The following VTI1A variants were observed in gnomAD, a reference collection of about 807,000 sequenced individuals.
VTI1A encodes the protein vesicle transport through interaction with t-SNAREs homolog 1A.
Under a neutral mutation model 34.9 loss-of-function variants are expected in VTI1A, and 22 were observed. The ratio of observed to expected loss-of-function variants is 0.63; its 90% CI spans 0.45 to 0.90. The LOEUF (loss-of-function observed/expected upper bound fraction) is 0.90. Ranked by LOEUF, VTI1A falls within the 40% of genes least tolerant of loss-of-function variation. The probability of loss-of-function intolerance (pLI) is 0.00; values close to 1 mark genes in which losing one functional copy is unlikely to be tolerated. For missense variants in VTI1A, 268 were observed against 275.6 expected (o/e 0.97, Z 0.20); for synonymous variants, 87 against 97.3 (o/e 0.89, Z 0.62).
the VTI1A span, among the ~76,000 whole-genome samples, chr10:112,840,352 G>A: frequency 2.0e-5 from 3 of 151,854 alleles, no homozygotes; most frequent in Non-Finnish European, 2.9e-5. Flanking sequence ...TCCCACCCAC[G>A]AGTCCCCCAA....
At chr10:112,539,719 C>T (rs774852182) in intron 5 of VTI1A, among the ~76,000 whole-genome samples, 27 of 151,996 alleles carry the variant, frequency 1.8e-4, no homozygotes, top group Non-Finnish European at 2.4e-4. Flanking sequence ...GTTTCTTCTT[C>T]AATAACATGG....
chr10:112,452,144 TC>T (rs1331988400), intron 1 of VTI1A, among the ~76,000 whole-genome samples: 2 of 152,192 alleles, frequency 1.3e-5, no homozygotes, highest in Non-Finnish European at 2.9e-5. Flanking sequence ...AATAGTTTGT[TC>T]CTTGTTAGGA....
intron 7 of VTI1A, among the ~76,000 whole-genome samples, chr10:112,671,274 CTCT>C (rs750537592): frequency 9.2e-5 from 14 of 152,194 alleles, no homozygotes; most frequent in Admixed American, 2.0e-4. Context: ...CATTCTCTTA[CTCT>C]TCTTCTTACC....
chr10:112,527,239 C>A, intron 4 of VTI1A, 75 bp downstream of exon 4: 2 of 1,340,732 alleles, frequency 1.5e-6, no homozygotes, highest in Non-Finnish European at 2.1e-6. Context: ...GGCTCTCAAG[C>A]TGCTCCTTAA....
chr10:112,454,114 G>A (rs1353071497), intron 1 of VTI1A, among the ~76,000 whole-genome samples: 1 of 152,112 alleles, frequency 6.6e-6, no homozygotes, highest in Non-Finnish European at 1.5e-5. Flanking sequence ...AAAATTATCT[G>A]TTCCTCTCTT....
Position 112,634,449 on chromosome 10 carries a change from A to G in VTI1A, c.428-33769A>G, listed in dbSNP as rs535832314. 2.0e-5 allele frequency among the ~76,000 whole-genome samples: 3 copies of G among 151,774 alleles called. No individual in the cohort carries two copies. In the South Asian group the frequency reaches 6.3e-4, roughly 32 times the overall value. On this transcript the variant is annotated intron_variant, in intron 5 of 7. Coordinates refer to ENST00000393077, the MANE Select transcript of VTI1A (RefSeq NM_145206.4). ...CAATACAGAAGGTTTCTTTCTCCAA[A>G]GATTATCAATATCATACCATTGCCT...
At chr10:112,746,846 A>G (rs972694461) in intron 7 of VTI1A, among the ~76,000 whole-genome samples, 1 of 152,198 alleles carries the variant, frequency 6.6e-6, no homozygotes, top group Non-Finnish European at 1.5e-5. Context: ...ACTTTCTAAT[A>G]TGTCCGAACT....
intron 3 of VTI1A, among the ~76,000 whole-genome samples, chr10:112,500,825 T>C (rs1044984774): frequency 2.0e-5 from 3 of 152,224 alleles, no homozygotes; most frequent in Non-Finnish European, 2.9e-5. Flanking sequence ...CCGTTTAGAG[T>C]TGTGCCTCAC....
intron 3 of VTI1A, among the ~76,000 whole-genome samples, chr10:112,488,506 C>A (rs1848719195): frequency 1.3e-5 from 2 of 152,136 alleles, no homozygotes; most frequent in South Asian, 4.1e-4. Flanking sequence ...CAGAACCAGA[C>A]CCAAAGGTAT....
intron 5 of VTI1A, among the ~76,000 whole-genome samples, chr10:112,637,716 TAAA>T (rs1846413352): frequency 6.6e-6 from 1 of 152,070 alleles, no homozygotes; most frequent in Non-Finnish European, 1.5e-5. Flanking sequence ...AACTCTTAAG[TAAA>T]GAAGAAATTA....
chr10:112,697,419 G>A (rs1308134127), intron 7 of VTI1A, among the ~76,000 whole-genome samples: 1 of 98,720 alleles, frequency 1.0e-5, no homozygotes, highest in Non-Finnish European at 2.1e-5. Flanking sequence ...TTTTTTTTGA[G>A]AGAGTGTTTA....
At chr10:112,662,927 A>G (rs1200906366) in intron 5 of VTI1A, among the ~76,000 whole-genome samples, 3 of 78,692 alleles carry the variant, frequency 3.8e-5, no homozygotes, top group African/African-American at 1.7e-4. Flanking sequence ...CTTCTTACAA[A>G]CAAACAAACA....
At chr10:112,654,340 T>C (rs1234636824) in intron 5 of VTI1A, among the ~76,000 whole-genome samples, 2 of 152,180 alleles carry the variant, frequency 1.3e-5, no homozygotes, top group Non-Finnish European at 2.9e-5. Context: ...GGAAACCTTA[T>C]CTCCTTTTAT....
chr10:112,629,099 T>C (rs181874316), intron 5 of VTI1A, among the ~76,000 whole-genome samples: 2 of 152,206 alleles, frequency 1.3e-5, no homozygotes, highest in Non-Finnish European at 2.9e-5. Context: ...GCCTTGCAGG[T>C]TGTTTGCCAA....
chr10:112,458,461 A>G (rs937075310), intron 1 of VTI1A, among the ~76,000 whole-genome samples: 20 of 152,112 alleles, frequency 1.3e-4, no homozygotes, highest in African/African-American at 4.6e-4. Flanking sequence ...AAGGAGGGAA[A>G]ATCAAGTTGA....
At chr10:112,736,726 T>C in intron 7 of VTI1A, 3 of 1,551,164 alleles carry the variant, frequency 1.9e-6, no homozygotes, top group Non-Finnish European at 2.6e-6. Flanking sequence ...TTCACAGGGG[T>C]TGTTCTGTGA....
chr10:112,512,740 A>C lies in VTI1A; in HGVS notation c.265-14347A>C, dbSNP rs1009199048. On this transcript the variant is annotated intron_variant, in intron 3 of 7. Transcript: ENST00000393077. ...TTTGTATATGGTGAGAGATAGGGGT[A>C]CAGTTTCATTCTTCTACATATGGAT... Among the ~76,000 whole-genome samples, 14 of 152,112 alleles carry C rather than the reference A, an allele frequency of 9.2e-5. No individual in the cohort carries two copies. The East Asian group carries it at 2.5e-3, about 27-fold the overall frequency.
intron 5 of VTI1A, among the ~76,000 whole-genome samples, chr10:112,558,902 T>C (rs183621888): frequency 4.6e-5 from 7 of 152,330 alleles, no homozygotes; most frequent in African/African-American, 1.7e-4. Flanking sequence ...TTAAAGTGTT[T>C]TGATTTTTTA....
chr10:112,599,552 CTT>C (rs1844804830), intron 5 of VTI1A, among the ~76,000 whole-genome samples: 1 of 152,134 alleles, frequency 6.6e-6, no homozygotes, highest in African/African-American at 2.4e-5. Flanking sequence ...ATGCCAGAGA[CTT>C]TCTTTCCTTG....
Sources: allele counts gnomAD v4.1 joint callset (sites outside exome capture counted in the v4.1 genomes callset), GRCh38; gene constraint gnomAD v4.1.1; transcripts MANE v1.5; gene names NCBI Gene and HGNC (gene_info 2026-07-23, HGNC 2026-07-21).